CCDC6: variants seen among roughly 807,000 people sequenced by gnomAD.
The protein encoded by CCDC6 is coiled-coil domain containing 6.
Under a neutral mutation model 56.6 loss-of-function variants are expected in CCDC6, and 20 were observed. The observed-to-expected ratio is 0.35, with a 90% CI of 0.25 to 0.51. The LOEUF is 0.51. Ranked by LOEUF, CCDC6 falls within the 20% of genes least tolerant of loss-of-function variation. CCDC6 has a pLI of 0.95. For missense variants in CCDC6, 367 were observed against 601.1 expected (o/e 0.61, Z 4.07); for synonymous variants, 241 against 234.4 (o/e 1.03, Z -0.26).
intron 2 of CCDC6, among the ~76,000 whole-genome samples, chr10:59,840,836 T>C (rs1376207574): frequency 6.6e-6 from 1 of 152,210 alleles, no homozygotes; most frequent in Non-Finnish European, 1.5e-5. Flanking sequence ...GTACCCAGAA[T>C]CCAAAGTTTA....
chr10:59,832,478 C>A, intron 3 of CCDC6, 47 bp downstream of exon 3: 1 of 1,565,132 alleles, frequency 6.4e-7, no homozygotes. Context: ...AAAGAACAAG[C>A]TGAGAACGAG....
chr10:59,833,292 T>C (rs1589044015), intron 2 of CCDC6, among the ~76,000 whole-genome samples: 1 of 151,918 alleles, frequency 6.6e-6, no homozygotes, highest in Non-Finnish European at 1.5e-5. Flanking sequence ...TTACTAAAAA[T>C]ATGAAAGTCA....
At chr10:59,830,057 T>C (rs1460874942) in intron 3 of CCDC6, among the ~76,000 whole-genome samples, 1 of 152,210 alleles carries the variant, frequency 6.6e-6, no homozygotes, top group Non-Finnish European at 1.5e-5. Flanking sequence ...CCACTCACCA[T>C]TCACATGCCC....
intron 1 of CCDC6, among the ~76,000 whole-genome samples, chr10:59,863,556 G>A (rs555283541): frequency 6.6e-6 from 1 of 152,032 alleles, no homozygotes; most frequent in East Asian, 1.9e-4. Flanking sequence ...TTGGGGCAGG[G>A]AAGGGTGGGT....
rs2071049355 is a variant in CCDC6, at chr10:59,852,705, G to GT, written c.304-4dup. 2 of 1,490,842 alleles carry GT rather than the reference G, an allele frequency of 1.3e-6. No homozygotes were observed. The highest frequency in any genetic ancestry group is 2.5e-5 in the Admixed American group (1 of 40,116). The allele number at this position is 1,490,842 out of a possible 1,614,324, so 92.4% of individuals were successfully genotyped here. ...TCTTCCTGCTCAGCCCTGGCTTGCTGTTTAAAAAAAAAAAAGGAAAGAACA... is the reference window on the plus strand; with the variant it reads ...TCTTCCTGCTCAGCCCTGGCTTGCTGTTTTAAAAAAAAAAAAGGAAAGAACA... On this transcript the variant is annotated splice_polypyrimidine_tract_variant and splice_region_variant and intron_variant, in intron 1 of 8. Coordinates refer to ENST00000263102, the MANE Select transcript of CCDC6 (RefSeq NM_005436.5).
chr10:59,817,523 T>C (rs181530946), intron 3 of CCDC6, among the ~76,000 whole-genome samples: 6 of 152,248 alleles, frequency 3.9e-5, no homozygotes, highest in Non-Finnish European at 7.4e-5. Flanking sequence ...GGCATTTACC[T>C]TTAAGGATCC....
Position 59,789,832 on chromosome 10 carries a change from T to A in CCDC6, c.*3085A>T, listed in dbSNP as rs550516175. The A allele has an allele frequency of 2.7e-5, 6 of 218,944 alleles. No individual in the cohort carries two copies. The highest frequency in any genetic ancestry group is 1.3e-4 in the African/African-American group (6 of 44,708). 13.6% of individuals were successfully genotyped at this position (218,944 alleles called of 1,614,324 possible). A position where few individuals can be genotyped will look rare whatever the true frequency, so the allele number is the denominator to read the frequency against. On this transcript the variant is annotated 3_prime_UTR_variant, in exon 9 of 9. Transcript: ENST00000263102. ...TTCATGTCTACCTAACAAAGGGTGA[T>A]ACATGTTCTATTTTCCTACAAGTGA...
chr10:59,799,279 A>G (rs2070552844), intron 7 of CCDC6, among the ~76,000 whole-genome samples: 1 of 152,038 alleles, frequency 6.6e-6, no homozygotes, highest in South Asian at 2.1e-4. Context: ...AAAAATACAA[A>G]AAATTAGCCA....
In CCDC6 at chr10:59,838,308, T is replaced by C. The variant is rs1159820751; in HGVS notation, c.454-5655A>G. The stretch of plus-strand genomic sequence containing the variant: ...GTTCAGGCCTTTTATTCCTTTTCCT[T>C]TGGGCTACTGCCAAAACCTCCTACT... On this transcript the variant is annotated intron_variant, in intron 2 of 8. Transcript: ENST00000263102. Among the ~76,000 whole-genome samples, 4 of 152,256 alleles carry C rather than the reference T, an allele frequency of 2.6e-5. No homozygotes were observed. In the East Asian group the frequency reaches 5.8e-4, roughly 22 times the overall value.
At chr10:59,830,517 C>T (rs1468591510) in intron 3 of CCDC6, among the ~76,000 whole-genome samples, 1 of 152,124 alleles carries the variant, frequency 6.6e-6, no homozygotes, top group East Asian at 1.9e-4. Context: ...TTAAATTTTT[C>T]CACTTTAATT....
At chr10:59,881,925 A>G (rs1589060206) in intron 1 of CCDC6, among the ~76,000 whole-genome samples, 1 of 152,174 alleles carries the variant, frequency 6.6e-6, no homozygotes, top group South Asian at 2.1e-4. Context: ...GTGCTCTTGT[A>G]TCCAAAACCT....
intron 2 of CCDC6, among the ~76,000 whole-genome samples, chr10:59,839,710 T>G (rs1377696950): frequency 7.9e-5 from 12 of 152,258 alleles, no homozygotes; most frequent in Non-Finnish European, 2.9e-5. Context: ...ATATCCAGCT[T>G]CTTCTGCTAA....
chr10:59,822,775 C>T (rs1437425648), intron 3 of CCDC6, among the ~76,000 whole-genome samples: 2 of 152,056 alleles, frequency 1.3e-5, no homozygotes, highest in African/African-American at 4.8e-5. Flanking sequence ...TGGCAAAACC[C>T]CATCCTCAAG....
chr10:59,872,924 C>T (rs1443628217), intron 1 of CCDC6, among the ~76,000 whole-genome samples: 1 of 152,106 alleles, frequency 6.6e-6, no homozygotes, highest in African/African-American at 2.4e-5. Context: ...AACACAATTC[C>T]AAAACCCAGA....
intron 3 of CCDC6, among the ~76,000 whole-genome samples, chr10:59,830,930 T>C (rs2070830093): frequency 6.6e-6 from 1 of 152,192 alleles, no homozygotes; most frequent in African/African-American, 2.4e-5. Context: ...CAACCATCAT[T>C]GTGAAGGGCA....
intron 1 of CCDC6, among the ~76,000 whole-genome samples, chr10:59,880,853 A>G (rs2071328020): frequency 6.6e-6 from 1 of 152,166 alleles, no homozygotes; most frequent in Admixed American, 6.5e-5. Context: ...GCTTGTATTT[A>G]GCCTGGTGCA....
chr10:59,826,060 T>C (rs2070785683), intron 3 of CCDC6, among the ~76,000 whole-genome samples: 1 of 152,084 alleles, frequency 6.6e-6, no homozygotes, highest in Admixed American at 6.6e-5. Context: ...TCCAGTGTCA[T>C]CTAGTGGCTG....
chr10:59,793,155 G>C, intron 8 of CCDC6, 44 bp from the exon 9 acceptor site: 1 of 1,540,266 alleles, frequency 6.5e-7, no homozygotes. Context: ...GGTACAGGTG[G>C]ATCTCATTCT....
At chr10:59,801,638 C>T (rs1016503658) in intron 7 of CCDC6, among the ~76,000 whole-genome samples, 3 of 152,102 alleles carry the variant, frequency 2.0e-5, no homozygotes, top group Admixed American at 6.5e-5. Context: ...GGAATATCTA[C>T]GTATATTATC....
Sources: gnomAD v4.1 joint callset for allele counts (sites outside exome capture counted in the v4.1 genomes callset) on GRCh38, gnomAD v4.1.1 for gene constraint, MANE v1.5 for transcripts, NCBI Gene and HGNC (gene_info 2026-07-23, HGNC 2026-07-21) for gene names.